RABGAP1L: variants seen among roughly 807,000 people sequenced by gnomAD.
RABGAP1L encodes the protein RAB GTPase activating protein 1 like.
Under a neutral mutation model 137.7 loss-of-function variants are expected in RABGAP1L, and 63 were observed. That is an observed-to-expected ratio of 0.46 (90% CI 0.37 to 0.56). The LOEUF is 0.56. Ranked by LOEUF, RABGAP1L falls within the 20% of genes least tolerant of loss-of-function variation. The pLI, the probability that RABGAP1L is intolerant of heterozygous loss-of-function variation, is 0.00. For missense variants in RABGAP1L, 1,095 were observed against 1,244.0 expected (o/e 0.88, Z 1.80); for synonymous variants, 431 against 433.7 (o/e 0.99, Z 0.08).
intron 19 of RABGAP1L, among the ~76,000 whole-genome samples, chr1:174,839,039 G>GTGTGTGTGTGTT (rs1693097508): frequency 6.8e-6 from 1 of 147,014 alleles, no homozygotes; most frequent in Non-Finnish European, 1.5e-5. Flanking sequence ...GTGTGTGTGT[G>GTGTGTGTGTGTT]TGTGTGTGTG....
intron 17 of RABGAP1L, among the ~76,000 whole-genome samples, chr1:174,717,018 T>A (rs781656764): frequency 2.6e-5 from 4 of 152,196 alleles, no homozygotes; most frequent in Non-Finnish European, 5.9e-5. Context: ...ATTTTATCCA[T>A]AAGAATCCTT....
At chr1:174,650,667 G>A (rs1323487366) in intron 14 of RABGAP1L, among the ~76,000 whole-genome samples, 1 of 151,498 alleles carries the variant, frequency 6.6e-6, no homozygotes, top group African/African-American at 2.4e-5. Flanking sequence ...ATTTCTGTGG[G>A]ATCGGTGGTG....
intron 13 of RABGAP1L, among the ~76,000 whole-genome samples, chr1:174,454,374 T>C (rs920455073): frequency 6.6e-6 from 1 of 152,204 alleles, no homozygotes; most frequent in Non-Finnish European, 1.5e-5. Flanking sequence ...TATTGTCTTA[T>C]AAAGATAGGT....
intron 10 of RABGAP1L, among the ~76,000 whole-genome samples, chr1:174,295,444 C>T (rs981361351): frequency 9.2e-5 from 14 of 151,770 alleles, no homozygotes; most frequent in African/African-American, 2.2e-4. Flanking sequence ...AGTGCAGTGG[C>T]GCCATCTCAG....
intron 3 of RABGAP1L, among the ~76,000 whole-genome samples, chr1:174,224,331 C>T (rs368936024): frequency 1.1e-3 from 174 of 152,000 alleles, no homozygotes; most frequent in African/African-American, 3.9e-3. Context: ...AAAAATTAGC[C>T]GGGCATGGTG....
chr1:174,930,013 A>AT (rs769683894), intron 19 of RABGAP1L, among the ~76,000 whole-genome samples: 5,218 of 132,940 alleles, frequency 0.039, 121 homozygotes, highest in Middle Eastern at 0.084. Context: ...ACCATGCCAG[A>AT]TTTTTTTTTT....
chr1:174,521,608 C>T (rs868373717), intron 13 of RABGAP1L, among the ~76,000 whole-genome samples: 8 of 152,178 alleles, frequency 5.3e-5, no homozygotes, highest in Middle Eastern at 3.4e-3. Context: ...AGAAAATTAG[C>T]GTGGAGATAA....
intron 13 of RABGAP1L, among the ~76,000 whole-genome samples, chr1:174,590,455 G>T (rs866676052): frequency 4.7e-5 from 5 of 107,168 alleles, no homozygotes; most frequent in African/African-American, 1.6e-4. Context: ...ACCCACTAAC[G>T]TGTCATCTAG....
intron 18 of RABGAP1L, among the ~76,000 whole-genome samples, chr1:174,804,274 G>T (rs201799541): frequency 5.0e-4 from 69 of 138,198 alleles, no homozygotes; most frequent in African/African-American, 1.7e-3. Context: ...GTTTTGTTTT[G>T]TTTTTTGTTT....
intron 11 of RABGAP1L, among the ~76,000 whole-genome samples, chr1:174,312,615 A>G (rs1381406975): frequency 2.0e-5 from 3 of 152,166 alleles, no homozygotes; most frequent in Non-Finnish European, 4.4e-5. Context: ...ATACGGTCTC[A>G]TTTGTTCATG....
chr1:174,701,039 T>C, intron 16 of RABGAP1L: 1 of 1,298,134 alleles, frequency 7.7e-7, no homozygotes, highest in Non-Finnish European at 1.0e-6. Flanking sequence ...TGGCTATTTT[T>C]CAAAGAGAGC....
At chr1:174,667,915 C>T (rs1288802269) in intron 14 of RABGAP1L, among the ~76,000 whole-genome samples, 5 of 152,066 alleles carry the variant, frequency 3.3e-5, no homozygotes, top group African/African-American at 4.8e-5. Context: ...GTTTGATATA[C>T]GATAGGTGCT....
chr1:174,387,947 T>C (rs1223420816), intron 12 of RABGAP1L, among the ~76,000 whole-genome samples: 7 of 152,120 alleles, frequency 4.6e-5, no homozygotes, highest in Non-Finnish European at 1.0e-4. Context: ...AACATTTGTG[T>C]AAACTACAGA....
intron 13 of RABGAP1L, among the ~76,000 whole-genome samples, chr1:174,618,142 G>C (rs1171867090): frequency 6.6e-6 from 1 of 152,180 alleles, no homozygotes; most frequent in Non-Finnish European, 1.5e-5. Flanking sequence ...CAAAGCGGCT[G>C]GGAAGCTCGA....
intron 20 of RABGAP1L, among the ~76,000 whole-genome samples, chr1:174,961,869 AGAAAC>A (rs1173606514): frequency 5.8e-5 from 7 of 120,750 alleles, no homozygotes; most frequent in African/African-American, 2.3e-4. Context: ...AAAAAAAAAA[AGAAAC>A]GACCAGGTGC....
Position 174,278,623 on chromosome 1 carries a change from A to G in RABGAP1L, c.1167A>G (p.Val389=). 6.2e-7 allele frequency: 1 copy of G among 1,612,166 alleles called. No individual in the cohort carries two copies. Among genetic ancestry groups the G allele is most frequent in the Non-Finnish European group, 8.5e-7 (1 of 1,179,224 alleles). ...AAATTTCTACTACAGATAAGCAAGT[A>G]TACATGACTGTGGCAGTGGATATGG... The part of the protein sequence containing the change: ...LNEETPKDKQ[V]YMTVAVDMVV... The change falls in exon 10 of 26, where the codon GTA becomes GTG. Residue 389 remains valine, a synonymous_variant. Coordinates refer to ENST00000681986, the MANE Select transcript of RABGAP1L (RefSeq NM_001366446.1).
chr1:174,292,618 C>T (rs761352299), intron 10 of RABGAP1L, among the ~76,000 whole-genome samples: 70 of 151,712 alleles, frequency 4.6e-4, no homozygotes, highest in Non-Finnish European at 8.8e-4. Context: ...AGAGTATACT[C>T]TATATGATTT....
chr1:174,398,413 GTCT>G (rs1158697530), intron 13 of RABGAP1L, among the ~76,000 whole-genome samples: 4 of 152,076 alleles, frequency 2.6e-5, no homozygotes, highest in African/African-American at 7.2e-5. Context: ...TACGTCATGA[GTCT>G]TCTTCTTAGT....
At chr1:174,596,977 T>C (rs761472405) in intron 13 of RABGAP1L, among the ~76,000 whole-genome samples, 3 of 152,204 alleles carry the variant, frequency 2.0e-5, no homozygotes, top group Non-Finnish European at 4.4e-5. Context: ...GAAATGATCA[T>C]ATGGTCTACG....
Sources: allele counts gnomAD v4.1 joint callset (sites outside exome capture counted in the v4.1 genomes callset), GRCh38; gene constraint gnomAD v4.1.1; transcripts MANE v1.5; gene names NCBI Gene and HGNC (gene_info 2026-07-23, HGNC 2026-07-21).